Variants in ENOX1 observed in about 807,000 individuals in gnomAD.
The protein encoded by ENOX1 is candidate growth-related and time keeping constitutive hydroquinone (NADH) oxidase.
ENOX1 carries 42 observed loss-of-function variants against 82.5 expected under a neutral mutation model. The observed-to-expected ratio is 0.51, with a 90% CI of 0.40 to 0.66. The LOEUF is 0.66. Ranked by LOEUF, ENOX1 falls within the 30% of genes least tolerant of loss-of-function variation. ENOX1 has a pLI of 0.00. For missense variants in ENOX1, 608 were observed against 811.6 expected (o/e 0.75, Z 3.05); for synonymous variants, 271 against 282.2 (o/e 0.96, Z 0.40).
intron 2 of ENOX1, among the ~76,000 whole-genome samples, chr13:43,579,126 A>G (rs537666895): frequency 1.2e-4 from 18 of 152,062 alleles, no homozygotes; most frequent in Non-Finnish European, 2.6e-4. Flanking sequence ...TTGCTTGAAG[A>G]CTCAAAGTGT....
intron 2 of ENOX1, among the ~76,000 whole-genome samples, chr13:43,634,439 C>T (rs577609926): frequency 6.6e-6 from 1 of 152,130 alleles, no homozygotes; most frequent in Non-Finnish European, 1.5e-5. Context: ...TTCTCCAGCA[C>T]GACCTACTAA....
intron 10 of ENOX1, among the ~76,000 whole-genome samples, chr13:43,324,847 A>G (rs916661783): frequency 3.3e-5 from 5 of 152,196 alleles, no homozygotes; most frequent in Non-Finnish European, 7.3e-5. Flanking sequence ...TGAGGCAGAC[A>G]TGGCAGGAAG....
chr13:43,357,078 G>A (rs1276358633), intron 7 of ENOX1, among the ~76,000 whole-genome samples: 1 of 152,186 alleles, frequency 6.6e-6, no homozygotes, highest in Non-Finnish European at 1.5e-5. Context: ...ATGAAGAAGA[G>A]TTGACTTTGA....
chr13:43,702,131 T>A (rs578037233), intron 1 of ENOX1, among the ~76,000 whole-genome samples: 1 of 152,242 alleles, frequency 6.6e-6, no homozygotes, highest in South Asian at 2.1e-4. Flanking sequence ...TCACTCAGAA[T>A]AATGCCCTTT....
chr13:43,477,062 A>T (rs2058314471), intron 3 of ENOX1, among the ~76,000 whole-genome samples: 1 of 151,292 alleles, frequency 6.6e-6, no homozygotes, highest in African/African-American at 2.4e-5. Flanking sequence ...TAAAAAAAAA[A>T]TTGAGAAAAA....
At chr13:43,602,153 A>T (rs2153732191) in intron 2 of ENOX1, among the ~76,000 whole-genome samples, 1 of 152,210 alleles carries the variant, frequency 6.6e-6, no homozygotes, top group Non-Finnish European at 1.5e-5. Flanking sequence ...GCAAAGAAAG[A>T]TCCCACCAAA....
chr13:43,345,420 G>A (rs181888897), intron 8 of ENOX1, among the ~76,000 whole-genome samples: 282 of 152,270 alleles, frequency 1.9e-3, no homozygotes, highest in Non-Finnish European at 3.0e-3. Flanking sequence ...TGCTTTAGAT[G>A]GCTATGGAGA....
At chr13:43,234,528 C>T (rs1398490469) in intron 15 of ENOX1, among the ~76,000 whole-genome samples, 4 of 152,128 alleles carry the variant, frequency 2.6e-5, no homozygotes, top group African/African-American at 9.7e-5. Flanking sequence ...TGCTCTACTC[C>T]TAACTTCAAA....
intron 3 of ENOX1, among the ~76,000 whole-genome samples, chr13:43,434,949 T>G (rs1241433190): frequency 4.1e-5 from 6 of 146,594 alleles, no homozygotes; most frequent in South Asian, 2.2e-4. Context: ...TTTTTTTTTT[T>G]TTTTTTTTTT....
intron 12 of ENOX1, among the ~76,000 whole-genome samples, chr13:43,277,726 A>T (rs554686251): frequency 6.6e-6 from 1 of 152,324 alleles, no homozygotes; most frequent in South Asian, 2.1e-4. Flanking sequence ...CCAGAGAACA[A>T]GGACTTAGAG....
chr13:43,623,287 G>T (rs958321625), intron 2 of ENOX1, among the ~76,000 whole-genome samples: 4 of 152,102 alleles, frequency 2.6e-5, no homozygotes, highest in Non-Finnish European at 5.9e-5. Context: ...TTCTCATCCC[G>T]TTCAAATTGT....
At chr13:43,671,539 C>T (rs960916475) in intron 1 of ENOX1, among the ~76,000 whole-genome samples, 1 of 152,206 alleles carries the variant, frequency 6.6e-6, no homozygotes, top group Non-Finnish European at 1.5e-5. Flanking sequence ...ATACTCTCTA[C>T]ACATACCCCA....
rs1336532233 is a variant in ENOX1, at chr13:43,298,498, C to T, written c.1294G>A (p.Glu432Lys). The stretch of plus-strand genomic sequence containing the variant: ...AGCTGCCAGCGGAGACTGTCATTCT[C>T]CTCTTTCAGAGCGTAGGCCTGGGCA... ...LAAQAYALKEENDSLRWQLDA... is the reference protein window; with the variant it reads ...LAAQAYALKEKNDSLRWQLDA... The change falls in exon 12 of 17, where the codon GAG becomes AAG. Residue 432 changes from glutamate to lysine, a missense_variant. Transcript: ENST00000690772. The T allele has an allele frequency of 6.2e-7, 1 of 1,613,738 alleles. No individual in the cohort carries two copies. Among genetic ancestry groups the T allele is most frequent in the Non-Finnish European group, 8.5e-7 (1 of 1,179,964 alleles).
At chr13:43,744,537 C>T (rs9525835) in intron 1 of ENOX1, among the ~76,000 whole-genome samples, 14,183 of 152,022 alleles carry the variant, frequency 0.093, 1,099 homozygotes, top group African/African-American at 0.21. Flanking sequence ...TTGGCAGTCA[C>T]GTCTAGAGGA....
intron 11 of ENOX1, among the ~76,000 whole-genome samples, chr13:43,305,914 A>C (rs2046832585): frequency 6.6e-6 from 1 of 152,152 alleles, no homozygotes; most frequent in South Asian, 2.1e-4. Context: ...TCCCTACTCT[A>C]AGCCAAGCCG....
At chr13:43,699,012 T>C (rs1488921232) in intron 1 of ENOX1, among the ~76,000 whole-genome samples, 2 of 152,210 alleles carry the variant, frequency 1.3e-5, no homozygotes, top group African/African-American at 4.8e-5. Context: ...TCCCAGCTGA[T>C]GACTGCCTCA....
rs369901792 is a variant in ENOX1, at chr13:43,433,671, T to C, written c.-74-20683A>G. On this transcript the variant is annotated intron_variant, in intron 3 of 16. Coordinates refer to ENST00000690772, the MANE Select transcript of ENOX1 (RefSeq NM_001347969.2). Reference sequence around the variant, plus strand: ...ATAAGAACACATTTCTATGACGTGATGCACTCTGAGTTTTTTCAACACATT... The same window carrying C: ...ATAAGAACACATTTCTATGACGTGACGCACTCTGAGTTTTTTCAACACATT... Among the ~76,000 whole-genome samples the C allele has an allele frequency of 1.1e-4, 17 of 152,366 alleles. No individual in the cohort carries two copies. In the East Asian group the frequency reaches 3.1e-3, roughly 28 times the overall value.
rs1372728111 is a variant in ENOX1 at position 43,690,201 on chromosome 13, T to C, written c.-284-22657A>G. 2.0e-5 allele frequency among the ~76,000 whole-genome samples: 3 copies of C among 152,148 alleles called. No individual in the cohort carries two copies. The East Asian group carries it at 5.8e-4, about 29-fold the overall frequency. ...GACAACCATGGGAGTTCTGAGATTT[T>C]TGTATTTAGAACACTCTTTTTAGCA... is the stretch of plus-strand genomic sequence containing the variant. On this transcript the variant is annotated intron_variant, in intron 1 of 16. Coordinates refer to ENST00000690772, the MANE Select transcript of ENOX1 (RefSeq NM_001347969.2).
intron 15 of ENOX1, among the ~76,000 whole-genome samples, chr13:43,235,680 C>T (rs1212776196): frequency 1.3e-5 from 2 of 149,504 alleles, no homozygotes; most frequent in Non-Finnish European, 1.5e-5. Context: ...TGCAGTGAGC[C>T]GAGATTGTGC....
Sources: allele counts gnomAD v4.1 joint callset (sites outside exome capture counted in the v4.1 genomes callset), GRCh38; gene constraint gnomAD v4.1.1; transcripts MANE v1.5; gene names NCBI Gene and HGNC (gene_info 2026-07-23, HGNC 2026-07-21).